DSCAML1: variants seen among roughly 807,000 people sequenced by gnomAD.
DSCAML1 encodes the protein DS cell adhesion molecule like 1.
In DSCAML1, 38 loss-of-function variants were observed where a neutral mutation model predicts 200.5. The observed-to-expected ratio is 0.19, with a 90% confidence interval of 0.15 to 0.25. The LOEUF is 0.25. DSCAML1 is among the 10% of genes least tolerant of loss of function. The probability of loss-of-function intolerance (pLI) is 1.00; values close to 1 mark genes in which losing one functional copy is unlikely to be tolerated. For missense variants in DSCAML1, 2,223 were observed against 2,858.8 expected, an observed-to-expected ratio of 0.78 and a Z score of 5.07; for synonymous variants, 1,215 against 1,165.0, an observed-to-expected ratio of 1.04 and a Z score of -0.87.
rs549322639 is a variant in DSCAML1, at chr11:117,654,829, G to A, written c.511+121962C>T. 5.9e-5 allele frequency among the ~76,000 whole-genome samples: 9 copies of A among 152,156 alleles called. 1 individual carries two copies. Among genetic ancestry groups the A allele is most frequent in the African/African-American group, 1.7e-4 (7 of 41,498 alleles). On this transcript the variant is annotated intron_variant, in intron 3 of 32. Transcript: ENST00000651296. ...ATCTGCGGCGTGGAGGGCACTGAGC[G>A]GGTGGAGGAAACGGCGGGTAGGAAC...
intron 3 of DSCAML1, among the ~76,000 whole-genome samples, chr11:117,704,129 G>C (rs1189798426): frequency 6.8e-6 from 1 of 146,904 alleles, no homozygotes; most frequent in Non-Finnish European, 1.5e-5. Flanking sequence ...AGGAAGGGAG[G>C]AGGGAGGGAG....
chr11:117,541,837 A>T (rs1430655914), intron 3 of DSCAML1, among the ~76,000 whole-genome samples: 1 of 151,958 alleles, frequency 6.6e-6, no homozygotes, highest in African/African-American at 2.4e-5. Flanking sequence ...CCTCAGTAGC[A>T]TCCCGGCTTC....
At chr11:117,577,493 CCTTCCTTCCTTCCCTCCT>C (rs1565801703) in intron 3 of DSCAML1, among the ~76,000 whole-genome samples, 116 of 20,488 alleles carry the variant, frequency 5.7e-3, no homozygotes, top group Non-Finnish European at 8.5e-3. Context: ...TTCCTTCCTT[CCTTCCTTCCTTCCCTCCT>C]TCCTTCCTTC....
chr11:117,807,604 G>A (rs529172148), intron 1 of DSCAML1, among the ~76,000 whole-genome samples: 2 of 152,298 alleles, frequency 1.3e-5, no homozygotes, highest in African/African-American at 4.8e-5. Flanking sequence ...CTAAGGAGAT[G>A]GGCAAGTTTT....
chr11:117,746,221 CAAAA>C (rs34362262), intron 3 of DSCAML1, among the ~76,000 whole-genome samples: 12 of 66,820 alleles, frequency 1.8e-4, no homozygotes, highest in African/African-American at 5.6e-4. Flanking sequence ...GACTCTGTCT[CAAAA>C]AAAAAAAAAA....
intron 3 of DSCAML1, among the ~76,000 whole-genome samples, chr11:117,545,232 A>AC (rs1215753701): frequency 1.3e-5 from 2 of 149,214 alleles, no homozygotes; most frequent in African/African-American, 5.0e-5. Context: ...TCCGTAAAAA[A>AC]AAACACACAC....
At chr11:117,713,427 C>A (rs2053888557) in intron 3 of DSCAML1, among the ~76,000 whole-genome samples, 1 of 152,052 alleles carries the variant, frequency 6.6e-6, no homozygotes, top group Non-Finnish European at 1.5e-5. Flanking sequence ...CCAATGCCCT[C>A]TTGATAGCTT....
chr11:117,527,487 G>C (rs7940527), intron 4 of DSCAML1, among the ~76,000 whole-genome samples: 40,014 of 152,114 alleles, frequency 0.26, 5,495 homozygotes, highest in South Asian at 0.38. Flanking sequence ...ATGGGCAGGC[G>C]AGTAGTCTGA....
chr11:117,696,038 A>G (rs1277141369), intron 3 of DSCAML1, among the ~76,000 whole-genome samples: 1 of 152,246 alleles, frequency 6.6e-6, no homozygotes, highest in Non-Finnish European at 1.5e-5. Context: ...CTTGAAAAAC[A>G]AGATGTCATA....
At chr11:117,762,592 G>T (rs1390641251) in intron 3 of DSCAML1, among the ~76,000 whole-genome samples, 1 of 152,222 alleles carries the variant, frequency 6.6e-6, no homozygotes, top group Admixed American at 6.5e-5. Context: ...GCCGGACACA[G>T]TGGCTTACGC....
At chr11:117,700,541 C>A (rs1300898810) in intron 3 of DSCAML1, among the ~76,000 whole-genome samples, 1 of 152,216 alleles carries the variant, frequency 6.6e-6, no homozygotes, top group Non-Finnish European at 1.5e-5. Flanking sequence ...AGTATTGGGC[C>A]AGATGTAGCA....
intron 11 of DSCAML1, among the ~76,000 whole-genome samples, chr11:117,502,066 T>C (rs1452447628): frequency 1.3e-5 from 2 of 152,206 alleles, no homozygotes; most frequent in African/African-American, 4.8e-5. Context: ...ATGCTCCTTC[T>C]GAACCCCTCA....
intron 3 of DSCAML1, among the ~76,000 whole-genome samples, chr11:117,723,141 G>A (rs561579267): frequency 6.6e-6 from 1 of 152,300 alleles, no homozygotes; most frequent in South Asian, 2.1e-4. Flanking sequence ...TGTGGTAAGT[G>A]CTGTAGTATG....
At chr11:117,657,240 T>C (rs1565855902) in intron 3 of DSCAML1, among the ~76,000 whole-genome samples, 1 of 152,172 alleles carries the variant, frequency 6.6e-6, no homozygotes, top group Non-Finnish European at 1.5e-5. Flanking sequence ...TCCCTAGGAC[T>C]TGAGGCCAAA....
intron 3 of DSCAML1, among the ~76,000 whole-genome samples, chr11:117,699,164 G>A (rs2053629537): frequency 6.6e-6 from 1 of 152,154 alleles, no homozygotes; most frequent in Admixed American, 6.5e-5. Flanking sequence ...ATGAAGGGAG[G>A]AGAAGGGACC....
chr11:117,797,106 G>T lies in DSCAML1; in HGVS notation c.-27C>A. 1 of 1,589,446 alleles carries T rather than the reference G, an allele frequency of 6.3e-7. No individual in the cohort carries two copies. Among genetic ancestry groups the T allele is most frequent in the Non-Finnish European group, 8.6e-7 (1 of 1,168,650 alleles). ...CCATAAAGAGGCCCTATTCTCCGGG[G>T]AGGTGGTCCTGTGGCCGGCCGTGCG... is the stretch of plus-strand genomic sequence containing the variant. On this transcript the variant is annotated 5_prime_UTR_variant, in exon 1 of 33. Transcript: ENST00000651296.
At chr11:117,657,331 T>G (rs1324886743) in intron 3 of DSCAML1, among the ~76,000 whole-genome samples, 1 of 151,950 alleles carries the variant, frequency 6.6e-6, no homozygotes, top group East Asian at 1.9e-4. Context: ...CAAGACAGAC[T>G]CTTGGAACAG....
In DSCAML1 at chr11:117,550,357, C is replaced by T. The variant is rs78858708; in HGVS notation, c.512-17835G>A. 6.9e-3 allele frequency among the ~76,000 whole-genome samples: 1,057 copies of T among 152,206 alleles called. 11 individuals are homozygous for T. The highest frequency in any genetic ancestry group is 0.023 in the African/African-American group (967 of 41,506). On this transcript the variant is annotated intron_variant, in intron 3 of 32. Coordinates refer to ENST00000651296, the MANE Select transcript of DSCAML1 (RefSeq NM_020693.4). ...GTTAGAGAACAACACATTTGGGATT[C>T]GAACCTAGATTGTGTGACTCCACAT...
At position 117,549,656 on chromosome 11, in the gene DSCAML1, G is replaced by C. The variant is rs200765080; in HGVS notation, c.512-17134C>G. Among the ~76,000 whole-genome samples the C allele has an allele frequency of 2.8e-4, 43 of 152,288 alleles. No individual in the cohort carries two copies. In the East Asian group the frequency reaches 8.3e-3, roughly 29 times the overall value. ...ATTGCTCTCATGATTATGACTTACAGCTTCCCATCCAACGTCTACATCGGT... is the reference window on the plus strand; with the variant it reads ...ATTGCTCTCATGATTATGACTTACACCTTCCCATCCAACGTCTACATCGGT... On this transcript the variant is annotated intron_variant, in intron 3 of 32. Transcript: ENST00000651296.
Sources: allele counts gnomAD v4.1 joint callset (sites outside exome capture counted in the v4.1 genomes callset), GRCh38; gene constraint gnomAD v4.1.1; transcripts MANE v1.5; gene names NCBI Gene and HGNC (gene_info 2026-07-23, HGNC 2026-07-21).